Variants in SLC44A5 observed in about 807,000 individuals in gnomAD.
SLC44A5 encodes the protein solute carrier family 44 member 5.
Under a neutral mutation model 101.8 loss-of-function variants are expected in SLC44A5, and 57 were observed. The observed-to-expected ratio is 0.56, with a 90% CI of 0.45 to 0.70. The LOEUF is 0.70. Ranked by LOEUF, SLC44A5 falls within the 30% of genes least tolerant of loss-of-function variation. The pLI is 0.00. For synonymous variants in SLC44A5, 281 were observed against 290.9 expected (o/e 0.97, Z 0.35); for missense variants, 737 against 853.1 (o/e 0.86, Z 1.70).
chr1:75,640,027 GA>G, the SLC44A5 span, among the ~76,000 whole-genome samples: 67 of 152,150 alleles, frequency 4.4e-4, no homozygotes, highest in Middle Eastern at 3.4e-3. Context: ...CTGAAAGGGG[GA>G]AAAGGCCTTT....
Position 75,464,018 on chromosome 1 carries a change from CA to C in SLC44A5, c.14-67398del, listed in dbSNP as rs1228229914. ...CAGGAGGTTTATGAGGTCAGGAAAT[CA>C]AGATCATCCTGGCTAACATGGTGAA... On this transcript the variant is annotated intron_variant, in intron 2 of 23. Transcript: ENST00000370859. 8.6e-5 allele frequency among the ~76,000 whole-genome samples: 13 copies of C among 151,992 alleles called. No individual in the cohort carries two copies. In the East Asian group the frequency reaches 2.1e-3, roughly 25 times the overall value.
At chr1:75,695,741 A>G in the SLC44A5 span, among the ~76,000 whole-genome samples, 3 of 148,330 alleles carry the variant, frequency 2.0e-5, no homozygotes, top group Admixed American at 6.8e-5. Flanking sequence ...TATAAAATAT[A>G]TATTGTTTAC....
chr1:75,703,769 C>T, the SLC44A5 span, among the ~76,000 whole-genome samples: 1 of 151,568 alleles, frequency 6.6e-6, no homozygotes, highest in African/African-American at 2.4e-5. Flanking sequence ...CACGCCTGTT[C>T]AGTACCAGAC....
intron 3 of SLC44A5, among the ~76,000 whole-genome samples, chr1:75,388,135 G>A (rs1447202690): frequency 7.1e-6 from 1 of 141,456 alleles, no homozygotes; most frequent in Non-Finnish European, 1.5e-5. Flanking sequence ...TGGGTGCAGC[G>A]CACCAGCATG....
chr1:75,570,225 C>T (rs74091752), intron 1 of SLC44A5, among the ~76,000 whole-genome samples: 29,167 of 151,992 alleles, frequency 0.19, 3,079 homozygotes, highest in Middle Eastern at 0.28. Flanking sequence ...TGCTGAAAAA[C>T]GGGGAGCAAT....
chr1:75,318,203 C>A (rs546192730), intron 4 of SLC44A5, among the ~76,000 whole-genome samples: 1 of 151,958 alleles, frequency 6.6e-6, no homozygotes, highest in South Asian at 2.1e-4. Flanking sequence ...ACAGTGAGAC[C>A]TTCGTCTCTA....
chr1:75,214,334 G>A (rs561726010), intron 20 of SLC44A5, among the ~76,000 whole-genome samples: 22 of 152,070 alleles, frequency 1.4e-4, no homozygotes, highest in African/African-American at 4.8e-4. Flanking sequence ...AGATGATAAT[G>A]TGGTTCATCT....
At chr1:75,501,825 G>A (rs1157188845) in intron 2 of SLC44A5, among the ~76,000 whole-genome samples, 1 of 152,186 alleles carries the variant, frequency 6.6e-6, no homozygotes, top group Non-Finnish European at 1.5e-5. Flanking sequence ...AATGACAGAT[G>A]CCAATGAATA....
At chr1:75,519,565 A>T (rs113045439) in intron 2 of SLC44A5, among the ~76,000 whole-genome samples, 121 of 152,316 alleles carry the variant, frequency 7.9e-4, no homozygotes, top group African/African-American at 2.7e-3. Flanking sequence ...CTCAAAAAAA[A>T]AAAAATTATT....
the SLC44A5 span, among the ~76,000 whole-genome samples, chr1:75,624,206 A>C: frequency 6.6e-6 from 1 of 152,182 alleles, no homozygotes; most frequent in Non-Finnish European, 1.5e-5. Context: ...ACATTGAATA[A>C]AATAAAATGT....
chr1:75,353,092 C>A (rs1658807339), intron 3 of SLC44A5, among the ~76,000 whole-genome samples: 1 of 152,094 alleles, frequency 6.6e-6, no homozygotes, highest in African/African-American at 2.4e-5. Flanking sequence ...TTGTTAGATT[C>A]ATATGGCCAT....
At chr1:75,697,713 G>A in the SLC44A5 span, among the ~76,000 whole-genome samples, 1 of 152,340 alleles carries the variant, frequency 6.6e-6, no homozygotes, top group East Asian at 1.9e-4. Context: ...CAGAAGACGG[G>A]CGATTTCTGC....
At chr1:75,389,594 A>G (rs1661647393) in intron 3 of SLC44A5, among the ~76,000 whole-genome samples, 1 of 152,182 alleles carries the variant, frequency 6.6e-6, no homozygotes, top group Non-Finnish European at 1.5e-5. Context: ...TTAATGAAAT[A>G]AAAAAATTCT....
At chr1:75,593,721 G>A (rs1044369958) in intron 1 of SLC44A5, among the ~76,000 whole-genome samples, 22 of 152,004 alleles carry the variant, frequency 1.4e-4, no homozygotes, top group African/African-American at 4.1e-4. Flanking sequence ...TATGTTAAGC[G>A]AAATAAGCAG....
intron 2 of SLC44A5, among the ~76,000 whole-genome samples, chr1:75,484,862 C>A (rs1325278565): frequency 1.3e-5 from 2 of 152,256 alleles, no homozygotes; most frequent in African/African-American, 4.8e-5. Flanking sequence ...CTTGCACCTT[C>A]TGAAGCAACA....
upstream of SLC44A5, among the ~76,000 whole-genome samples, chr1:75,616,069 C>T (rs1675866925): frequency 6.6e-6 from 1 of 151,750 alleles, no homozygotes; most frequent in African/African-American, 2.4e-5. Context: ...GGGGCGGGCG[C>T]CGCCGCCCCT....
At chr1:75,584,810 T>C (rs1009563553) in intron 1 of SLC44A5, among the ~76,000 whole-genome samples, 1 of 152,156 alleles carries the variant, frequency 6.6e-6, no homozygotes, top group Non-Finnish European at 1.5e-5. Flanking sequence ...TTGTCCAGGC[T>C]GGTCTTGGAT....
chr1:75,552,179 C>T (rs1450018074), intron 1 of SLC44A5, among the ~76,000 whole-genome samples: 1 of 152,126 alleles, frequency 6.6e-6, no homozygotes, highest in Non-Finnish European at 1.5e-5. Flanking sequence ...TTCTACATGT[C>T]TGTGTCTCAT....
chr1:75,260,202 C>T (rs1650371528), intron 6 of SLC44A5, among the ~76,000 whole-genome samples: 1 of 152,216 alleles, frequency 6.6e-6, no homozygotes, highest in South Asian at 2.1e-4. Context: ...TGTAAATGGG[C>T]TAACTGCCCC....
Sources: allele counts gnomAD v4.1 joint callset (sites outside exome capture counted in the v4.1 genomes callset), GRCh38; gene constraint gnomAD v4.1.1; transcripts MANE v1.5; gene names NCBI Gene and HGNC (gene_info 2026-07-23, HGNC 2026-07-21).